Variants in DPP10 observed in about 807,000 individuals in gnomAD.
The protein encoded by DPP10 is inactive dipeptidyl peptidase 10.
DPP10 carries 33 observed loss-of-function variants against 120.9 expected under a neutral mutation model. That is an observed-to-expected ratio of 0.27 (90% confidence interval 0.21 to 0.37). DPP10 has a LOEUF of 0.37. Among genes scored for constraint, DPP10 ranks in the 10% least tolerant of loss-of-function variants. The probability of loss-of-function intolerance (pLI) is 1.00; values close to 1 mark genes in which losing one functional copy is unlikely to be tolerated. For missense variants in DPP10, 816 were observed against 942.8 expected, an observed-to-expected ratio of 0.87 and a Z score of 1.76; for synonymous variants, 337 against 326.1, an observed-to-expected ratio of 1.03 and a Z score of -0.36.
At chr2:114,814,555 T>C (rs1481256154) in intron 1 of DPP10, among the ~76,000 whole-genome samples, 1 of 152,194 alleles carries the variant, frequency 6.6e-6, no homozygotes, top group Non-Finnish European at 1.5e-5. Context: ...CATGTCAGCA[T>C]ATTGCACTGG....
At chr2:115,433,414 T>G (rs1307330677) in intron 3 of DPP10, among the ~76,000 whole-genome samples, 6 of 152,020 alleles carry the variant, frequency 3.9e-5, no homozygotes, top group African/African-American at 1.4e-4. Context: ...TATTTGTGTG[T>G]ATGTGTGTTT....
intron 3 of DPP10, among the ~76,000 whole-genome samples, chr2:115,463,461 G>A (rs1184448454): frequency 6.6e-6 from 1 of 152,184 alleles, no homozygotes; most frequent in Non-Finnish European, 1.5e-5. Context: ...TAGGATGGAA[G>A]GAAGCATAGG....
intron 1 of DPP10, among the ~76,000 whole-genome samples, chr2:115,058,856 T>C (rs1269213737): frequency 2.0e-5 from 3 of 152,212 alleles, no homozygotes; most frequent in African/African-American, 7.2e-5. Context: ...GTTTTTTGTT[T>C]TTCTTGTCCC....
At position 114,660,124 on chromosome 2, in the gene DPP10, A is replaced by C. The variant is rs796363646; in HGVS notation, c.60+217286A>C. Among the ~76,000 whole-genome samples, 32 of 152,314 alleles carry C rather than the reference A, an allele frequency of 2.1e-4. No individual in the cohort carries two copies. The East Asian group carries it at 2.3e-3, about 11-fold the overall frequency. ...GAAGGAAGCTGGTAGAGCACAGAAG[A>C]AGCTGGTATAGGAAGCTGGTACAGG... On this transcript the variant is annotated intron_variant, in intron 1 of 25. Coordinates refer to ENST00000410059, the MANE Select transcript of DPP10 (RefSeq NM_020868.6).
At chr2:114,707,580 T>C (rs538299896) in intron 1 of DPP10, among the ~76,000 whole-genome samples, 1 of 152,298 alleles carries the variant, frequency 6.6e-6, no homozygotes, top group Admixed American at 6.5e-5. Context: ...CGTGCATCAC[T>C]TGGGGCTCAA....
chr2:114,457,641 C>T (rs1176680211), intron 1 of DPP10, among the ~76,000 whole-genome samples: 1 of 152,194 alleles, frequency 6.6e-6, no homozygotes, highest in African/African-American at 2.4e-5. Flanking sequence ...AGTTAGTAGT[C>T]TGCCCCCAAA....
intron 1 of DPP10, among the ~76,000 whole-genome samples, chr2:114,455,216 C>T (rs1339086443): frequency 1.3e-5 from 2 of 149,672 alleles, no homozygotes; most frequent in African/African-American, 5.0e-5. Context: ...GTATTTAAGA[C>T]AATAAGTTAG....
intron 1 of DPP10, among the ~76,000 whole-genome samples, chr2:114,973,094 A>T (rs566442134): frequency 1.3e-5 from 2 of 152,296 alleles, no homozygotes; most frequent in Admixed American, 1.3e-4. Context: ...AACAAATTTC[A>T]TGTATGACAG....
At chr2:114,498,934 G>A (rs1341829982) in intron 1 of DPP10, among the ~76,000 whole-genome samples, 2 of 152,162 alleles carry the variant, frequency 1.3e-5, no homozygotes, top group Non-Finnish European at 2.9e-5. Flanking sequence ...TAAAGAAAAT[G>A]TGTTATACAT....
At chr2:114,800,443 A>G (rs1226256169) in intron 1 of DPP10, among the ~76,000 whole-genome samples, 1 of 152,218 alleles carries the variant, frequency 6.6e-6, no homozygotes, top group Non-Finnish European at 1.5e-5. Context: ...TCTCAAAAAT[A>G]CAAACACTTC....
intron 1 of DPP10, among the ~76,000 whole-genome samples, chr2:115,117,094 C>T (rs756716881): frequency 2.6e-5 from 4 of 152,192 alleles, no homozygotes; most frequent in Non-Finnish European, 4.4e-5. Flanking sequence ...GAGAAAAACT[C>T]GTACACTTCC....
intron 1 of DPP10, among the ~76,000 whole-genome samples, chr2:114,684,236 C>T (rs1699224120): frequency 6.6e-6 from 1 of 151,888 alleles, no homozygotes; most frequent in Non-Finnish European, 1.5e-5. Flanking sequence ...CTGTGAGTTC[C>T]ATACAGAGAT....
At chr2:114,569,080 C>T (rs1465167634) in intron 1 of DPP10, among the ~76,000 whole-genome samples, 2 of 152,006 alleles carry the variant, frequency 1.3e-5, no homozygotes, top group African/African-American at 2.4e-5. Flanking sequence ...TGTTAATAGT[C>T]TTGGGTATGA....
intron 1 of DPP10, among the ~76,000 whole-genome samples, chr2:114,834,317 C>CCATGTCTACACACCTATGTATATAAAAGA (rs1558790225): frequency 2.0e-5 from 3 of 149,770 alleles, no homozygotes; most frequent in South Asian, 2.1e-4. Context: ...TATATATAAG[C>CCATGTCTACACACCTATGTATATAAAAGA]CATGTCTACA....
chr2:114,872,889 T>G (rs1178074224), intron 1 of DPP10, among the ~76,000 whole-genome samples: 4 of 152,138 alleles, frequency 2.6e-5, no homozygotes, highest in Non-Finnish European at 4.4e-5. Flanking sequence ...AAATTACACG[T>G]TCATTACAAT....
chr2:114,591,506 C>T (rs1691455849), intron 1 of DPP10, among the ~76,000 whole-genome samples: 1 of 151,960 alleles, frequency 6.6e-6, no homozygotes, highest in African/African-American at 2.4e-5. Context: ...AGTTTTTCCA[C>T]CCAGCCATCC....
chr2:114,876,800 A>C (rs114710332), intron 1 of DPP10, among the ~76,000 whole-genome samples: 1 of 152,030 alleles, frequency 6.6e-6, no homozygotes, highest in Non-Finnish European at 1.5e-5. Flanking sequence ...GGAACTATTG[A>C]CATTTGGAGT....
chr2:114,927,683 C>T (rs1695738489), intron 1 of DPP10, among the ~76,000 whole-genome samples: 1 of 152,190 alleles, frequency 6.6e-6, no homozygotes. Context: ...AGACATTTTC[C>T]TTTCACAGTA....
intron 3 of DPP10, among the ~76,000 whole-genome samples, chr2:115,399,660 A>T (rs1189775365): frequency 2.0e-5 from 3 of 152,178 alleles, no homozygotes; most frequent in African/African-American, 7.2e-5. Flanking sequence ...TTATATGCTT[A>T]AAGTCCCATT....
Sources: gnomAD v4.1 joint callset for allele counts (sites outside exome capture counted in the v4.1 genomes callset) on GRCh38, gnomAD v4.1.1 for gene constraint, MANE v1.5 for transcripts, NCBI Gene and HGNC (gene_info 2026-07-23, HGNC 2026-07-21) for gene names.